The following ANKRD36C variants were observed in gnomAD, a reference collection of about 807,000 sequenced individuals.
ANKRD36C encodes ankyrin repeat domain-containing protein 36C.
ANKRD36C carries 61 observed loss-of-function variants against 276.4 expected under a neutral mutation model. That is an observed-to-expected ratio of 0.22 (90% confidence interval 0.18 to 0.27). The LOEUF is 0.27. ANKRD36C is among the 10% of genes least tolerant of loss of function. The pLI, the probability that ANKRD36C is intolerant of heterozygous loss-of-function variation, is 1.00. For missense variants in ANKRD36C, 1,447 were observed against 2,032.3 expected (o/e 0.71, Z 5.54); for synonymous variants, 483 against 680.1 (o/e 0.71, Z 4.51).
At chr2:95,890,024 C>T in intron 46 of ANKRD36C, 30 bp from the exon 67 acceptor site, 1 of 1,602,814 alleles carries the variant, frequency 6.2e-7, no homozygotes, top group Non-Finnish European at 8.5e-7. Flanking sequence ...CATAATCACT[C>T]ATACGTAAAT....
intron 1 of ANKRD36C, among the ~76,000 whole-genome samples, chr2:95,987,409 C>T (rs1198650952): frequency 1.3e-5 from 2 of 151,894 alleles, no homozygotes; most frequent in African/African-American, 4.8e-5. Context: ...TTAAAATTTA[C>T]TGTAAGCTCT....
chr2:95,966,476 T>C (rs1245492271), intron 6 of ANKRD36C, among the ~76,000 whole-genome samples: 2 of 152,152 alleles, frequency 1.3e-5, no homozygotes, highest in Non-Finnish European at 2.9e-5. Flanking sequence ...ATGGTGTCGA[T>C]GTATGGCATT....
intron 42 of ANKRD36C, among the ~76,000 whole-genome samples, chr2:95,911,087 A>G (rs1409425075): frequency 6.6e-6 from 1 of 151,478 alleles, no homozygotes; most frequent in African/African-American, 2.4e-5. Flanking sequence ...GAAGTGTCCT[A>G]AATTGATCAC....
In ANKRD36C at chr2:95,878,675, C is replaced by T. The variant is rs535622495; in HGVS notation, c.3469+1752G>A. Reference sequence around the variant, plus strand: ...CAAAATGATACTGTTATGTTTCAAACTGCTATCAGATGGCAAACAGGTATA... The same window carrying T: ...CAAAATGATACTGTTATGTTTCAAATTGCTATCAGATGGCAAACAGGTATA... On this transcript the variant is annotated intron_variant, in intron 58 of 66. Transcript: ENST00000456556. 5.9e-5 allele frequency among the ~76,000 whole-genome samples: 9 copies of T among 152,298 alleles called. No homozygotes were observed. In the South Asian group the frequency reaches 1.7e-3, roughly 28 times the overall value.
In ANKRD36C at chr2:95,910,709, A is replaced by G. The variant is rs1573757715; in HGVS notation, c.2653+1535T>C. ...GATGGCTTCTACTTTGTGTCTGGGGACTAGAACATGACAGAAGTACACTGA... is the reference window on the plus strand; with the variant it reads ...GATGGCTTCTACTTTGTGTCTGGGGGCTAGAACATGACAGAAGTACACTGA... On this transcript the variant is annotated intron_variant, in intron 42 of 66. Transcript: ENST00000456556. 7 of 1,477,050 alleles carry G rather than the reference A, an allele frequency of 4.7e-6. No homozygotes were observed. The South Asian group carries it at 7.2e-5, about 15-fold the overall frequency. 91.5% of individuals were successfully genotyped at this position (1,477,050 alleles called of 1,614,324 possible). A position where few individuals can be genotyped will look rare whatever the true frequency, so the allele number is the denominator to read the frequency against.
intron 44 of ANKRD36C, among the ~76,000 whole-genome samples, chr2:95,893,253 A>C (rs571660256): frequency 4.0e-5 from 6 of 151,328 alleles, no homozygotes; most frequent in Admixed American, 2.6e-4. Context: ...TGGAGAATTA[A>C]AGCAAAACTA....
At chr2:95,911,878 C>T (rs1364582302) in intron 42 of ANKRD36C, among the ~76,000 whole-genome samples, 2 of 151,274 alleles carry the variant, frequency 1.3e-5, no homozygotes, top group African/African-American at 4.8e-5. Context: ...AGCTTTCTGC[C>T]TGTTTTTAGC....
At chr2:95,912,594 C>T (rs189473240) in intron 40 of ANKRD36C, among the ~76,000 whole-genome samples, 159 bp from the exon 43 acceptor site, 3,464 of 151,336 alleles carry the variant, frequency 0.023, 131 homozygotes, top group African/African-American at 0.08. Context: ...GTGACAGAAA[C>T]ACACTGAAAA....
intron 6 of ANKRD36C, among the ~76,000 whole-genome samples, chr2:95,964,345 A>AC (rs1426117029): frequency 6.6e-6 from 1 of 151,818 alleles, no homozygotes; most frequent in Non-Finnish European, 1.5e-5. Context: ...GTGACTCCCC[A>AC]AAGTCTCCTC....
chr2:95,873,233 A>T (rs1253242528), intron 59 of ANKRD36C, among the ~76,000 whole-genome samples: 1 of 152,218 alleles, frequency 6.6e-6, no homozygotes, highest in African/African-American at 2.4e-5. Flanking sequence ...ATTTTAGACC[A>T]GTATCCTTAA....
At position 95,923,569 on chromosome 2, in the gene ANKRD36C, T is replaced by C; in HGVS notation, c.2071-2A>G. ...AGAATCTGTCTTGTCACTTGTAGCC[T>C]GAAAGTAATTTGAAGCAAATTATCA... On this transcript the variant is annotated splice_acceptor_variant, in intron 31 of 66. Transcript: ENST00000456556. LOFTEE classifies it high-confidence loss of function. The C allele has an allele frequency of 1.9e-6, 3 of 1,609,952 alleles. No individual in the cohort carries two copies. The highest frequency in any genetic ancestry group is 2.5e-6 in the Non-Finnish European group (3 of 1,177,646).
intron 6 of ANKRD36C, among the ~76,000 whole-genome samples, chr2:95,976,267 TC>T (rs1445497208): frequency 1.3e-5 from 2 of 152,216 alleles, no homozygotes; most frequent in South Asian, 4.1e-4. Flanking sequence ...GACCCAGCCA[TC>T]CCATTACTGG....
chr2:95,965,256 A>G (rs977226319), intron 6 of ANKRD36C, among the ~76,000 whole-genome samples: 75 of 151,824 alleles, frequency 4.9e-4, no homozygotes, highest in Non-Finnish European at 8.4e-4. Context: ...ACACACAAAA[A>G]CCAGAGCAAT....
At chr2:95,917,860 C>T (rs1298096233) in exon 36 of ANKRD36C, 10 of 1,598,230 alleles carry the variant, frequency 6.3e-6, no homozygotes, top group South Asian at 5.6e-5. Context: ...ATTACCTGTC[C>T]CAGATTTTTC....
At chr2:95,886,407 C>T (rs1676204384) in intron 50 of ANKRD36C, among the ~76,000 whole-genome samples, 163 bp from the exon 71 acceptor site, 1 of 151,080 alleles carries the variant, frequency 6.6e-6, no homozygotes, top group African/African-American at 2.4e-5. Flanking sequence ...CAGAAATACA[C>T]TGAAGAAAAC....
chr2:95,952,986 A>G (rs1490326365), intron 14 of ANKRD36C, among the ~76,000 whole-genome samples: 1 of 152,266 alleles, frequency 6.6e-6, no homozygotes, highest in African/African-American at 2.4e-5. Context: ...GAAATTTGAA[A>G]TTTAGAATGC....
intron 1 of ANKRD36C, among the ~76,000 whole-genome samples, chr2:95,988,850 C>T (rs1679082449): frequency 6.6e-6 from 1 of 151,894 alleles, no homozygotes; most frequent in Non-Finnish European, 1.5e-5. Context: ...GCTAAAAGTT[C>T]ACAGAATATA....
chr2:95,862,826 A>C (rs982884790), intron 60 of ANKRD36C, among the ~76,000 whole-genome samples: 7 of 152,048 alleles, frequency 4.6e-5, no homozygotes, highest in South Asian at 2.1e-4. Context: ...GCTCTTATAC[A>C]ACAGACCCCA....
exon 1 of ANKRD36C, chr2:95,991,656 G>A: frequency 1.2e-6 from 2 of 1,613,974 alleles, no homozygotes; most frequent in South Asian, 1.1e-5. Context: ...GAAGCCATCC[G>A]AGCACAAGCG....
Sources: allele counts gnomAD v4.1 joint callset (sites outside exome capture counted in the v4.1 genomes callset), GRCh38; gene constraint gnomAD v4.1.1; transcripts MANE v1.5; gene names NCBI Gene and HGNC (gene_info 2026-07-23, HGNC 2026-07-21).